GALNTL6: variants seen among roughly 807,000 people sequenced by gnomAD.
GALNTL6 encodes polypeptide N-acetylgalactosaminyltransferase like 6, also known as polypeptide N-acetylgalactosaminyltransferase-like 6.
Under a neutral mutation model 73.7 loss-of-function variants are expected in GALNTL6, and 46 were observed. The observed-to-expected ratio is 0.62, with a 90% confidence interval of 0.49 to 0.80. The LOEUF is 0.80. Among genes scored for constraint, GALNTL6 ranks in the 30% least tolerant of loss-of-function variants. The pLI, the probability that GALNTL6 is intolerant of heterozygous loss-of-function variation, is 0.00. For synonymous variants in GALNTL6, 259 were observed against 263.7 expected, an observed-to-expected ratio of 0.98 and a Z score of 0.17; for missense variants, 604 against 755.0, an observed-to-expected ratio of 0.80 and a Z score of 2.34.
chr4:171,887,548 GT>G (rs1292786666), intron 2 of GALNTL6, among the ~76,000 whole-genome samples: 1 of 152,174 alleles, frequency 6.6e-6, no homozygotes, highest in Non-Finnish European at 1.5e-5. Flanking sequence ...GTAAAAGTCA[GT>G]TGTGCTAACA....
chr4:172,859,828 T>C (rs1286262167), intron 7 of GALNTL6, among the ~76,000 whole-genome samples: 1 of 152,114 alleles, frequency 6.6e-6, no homozygotes, highest in Non-Finnish European at 1.5e-5. Flanking sequence ...GAACTGCACA[T>C]TGAGGGATCT....
At chr4:172,448,792 C>A (rs1046640626) in intron 5 of GALNTL6, among the ~76,000 whole-genome samples, 4 of 152,104 alleles carry the variant, frequency 2.6e-5, no homozygotes, top group African/African-American at 9.7e-5. Context: ...CCTTCTGGAA[C>A]CTGCTTAAAA....
intron 4 of GALNTL6, among the ~76,000 whole-genome samples, chr4:172,338,428 A>AT (rs1055095874): frequency 2.0e-5 from 3 of 150,540 alleles, no homozygotes; most frequent in Non-Finnish European, 4.4e-5. Flanking sequence ...TGTGAATCGG[A>AT]TTTTTTTTCT....
Position 172,740,608 on chromosome 4 carries a change from G to T in GALNTL6, c.554-68753G>T, listed in dbSNP as rs73872724. ...TCAGACAAAGCAACTCTCTCATATT[G>T]TGTCAGCTCTACTTGTTTCAGCTCT... On this transcript the variant is annotated intron_variant, in intron 5 of 12. Coordinates refer to ENST00000506823, the MANE Select transcript of GALNTL6 (RefSeq NM_001034845.3). Among the ~76,000 whole-genome samples the T allele has an allele frequency of 6.1e-3, 930 of 152,264 alleles. 9 individuals carry two copies. Among genetic ancestry groups the T allele is most frequent in the African/African-American group, 0.017 (727 of 41,580 alleles).
intron 11 of GALNTL6, among the ~76,000 whole-genome samples, chr4:173,013,490 A>T (rs1752643134): frequency 6.6e-6 from 1 of 152,104 alleles, no homozygotes; most frequent in Non-Finnish European, 1.5e-5. Flanking sequence ...CGGAACATGG[A>T]TATAAACAAA....
intron 2 of GALNTL6, among the ~76,000 whole-genome samples, chr4:172,018,152 A>T (rs892091342): frequency 2.8e-4 from 42 of 152,044 alleles, no homozygotes; most frequent in African/African-American, 9.4e-4. Flanking sequence ...GGCCTCCATA[A>T]AGGAGGTGGT....
chr4:171,855,415 G>A (rs1735660874), intron 2 of GALNTL6, among the ~76,000 whole-genome samples: 1 of 152,128 alleles, frequency 6.6e-6, no homozygotes, highest in African/African-American at 2.4e-5. Context: ...GTAGCAATAT[G>A]CATTTAAGTT....
intron 3 of GALNTL6, among the ~76,000 whole-genome samples, chr4:172,286,142 G>A (rs1419227961): frequency 1.3e-5 from 2 of 152,116 alleles, no homozygotes; most frequent in African/African-American, 2.4e-5. Flanking sequence ...ATTGTACGTA[G>A]TATTATTCTA....
At chr4:172,906,130 G>A (rs1283721026) in intron 8 of GALNTL6, among the ~76,000 whole-genome samples, 2 of 152,078 alleles carry the variant, frequency 1.3e-5, no homozygotes, top group Non-Finnish European at 2.9e-5. Flanking sequence ...GCACAAAGGA[G>A]AAGCAGATTT....
chr4:172,672,287 T>C (rs1451710014), intron 5 of GALNTL6, among the ~76,000 whole-genome samples: 2 of 152,246 alleles, frequency 1.3e-5, no homozygotes, highest in Non-Finnish European at 2.9e-5. Context: ...TTTGTTTTAG[T>C]TCTGTTTATG....
chr4:172,949,133 C>A (rs577294849), intron 9 of GALNTL6, among the ~76,000 whole-genome samples: 2 of 152,296 alleles, frequency 1.3e-5, no homozygotes, highest in African/African-American at 4.8e-5. Context: ...TAGATACATA[C>A]GCACACTATG....
intron 2 of GALNTL6, among the ~76,000 whole-genome samples, chr4:172,097,868 G>T (rs972943599): frequency 1.3e-5 from 2 of 152,012 alleles, no homozygotes; most frequent in East Asian, 3.9e-4. Flanking sequence ...TTGATATGAA[G>T]CTATTCTGTT....
At chr4:172,212,285 C>G (rs2110928654) in intron 2 of GALNTL6, among the ~76,000 whole-genome samples, 1 of 152,250 alleles carries the variant, frequency 6.6e-6, no homozygotes, top group South Asian at 2.1e-4. Context: ...CCTCAGCCTC[C>G]TGAGTAACTG....
chr4:171,875,678 T>C lies in GALNTL6; in HGVS notation c.138+60960T>C, dbSNP rs190361895. The stretch of plus-strand genomic sequence containing the variant: ...ATGTAGCTAGTGACATTCTGACATT[T>C]TAACTGTGGAATGGGCAATTACTGG... On this transcript the variant is annotated intron_variant, in intron 2 of 12. Transcript: ENST00000506823. 8.7e-4 allele frequency among the ~76,000 whole-genome samples: 132 copies of C among 151,930 alleles called. 1 individual carries two copies. Among genetic ancestry groups the C allele is most frequent in the Non-Finnish European group, 2.1e-4 (14 of 67,972 alleles).
chr4:172,906,182 G>C (rs970073698), intron 8 of GALNTL6, among the ~76,000 whole-genome samples: 1 of 151,816 alleles, frequency 6.6e-6, no homozygotes, highest in African/African-American at 2.4e-5. Flanking sequence ...ATTAATAAGA[G>C]ATATAGATAG....
At chr4:172,165,206 T>C (rs1734584375) in intron 2 of GALNTL6, among the ~76,000 whole-genome samples, 1 of 152,110 alleles carries the variant, frequency 6.6e-6, no homozygotes, top group African/African-American at 2.4e-5. Flanking sequence ...ACTGTATATT[T>C]TATATACTTT....
At chr4:172,215,889 C>G (rs1210964232) in intron 2 of GALNTL6, among the ~76,000 whole-genome samples, 1 of 152,042 alleles carries the variant, frequency 6.6e-6, no homozygotes, top group Non-Finnish European at 1.5e-5. Context: ...TTAATAGTTA[C>G]TCGAGTTTGC....
At chr4:172,409,928 A>G (rs1744372564) in intron 5 of GALNTL6, among the ~76,000 whole-genome samples, 1 of 152,048 alleles carries the variant, frequency 6.6e-6, no homozygotes, top group Non-Finnish European at 1.5e-5. Flanking sequence ...TTTGTAGACT[A>G]TCTTGATTAA....
At chr4:171,847,417 T>C (rs1205217957) in intron 2 of GALNTL6, among the ~76,000 whole-genome samples, 1 of 152,140 alleles carries the variant, frequency 6.6e-6, no homozygotes, top group Non-Finnish European at 1.5e-5. Flanking sequence ...ATCAGGGTAG[T>C]AGTTGCTGAT....
Sources: allele counts gnomAD v4.1 joint callset (sites outside exome capture counted in the v4.1 genomes callset), GRCh38; gene constraint gnomAD v4.1.1; transcripts MANE v1.5; gene names NCBI Gene and HGNC (gene_info 2026-07-23, HGNC 2026-07-21).